TACC2: variants seen among roughly 807,000 people sequenced by gnomAD.
The protein encoded by TACC2 is transforming acidic coiled-coil containing protein 2, also known as transforming acidic coiled-coil-containing protein 2.
In TACC2, 137 loss-of-function variants were observed where a neutral mutation model predicts 227.3. The observed-to-expected ratio is 0.60, with a 90% CI of 0.52 to 0.69. The LOEUF (loss-of-function observed/expected upper bound fraction) is 0.69. Ranked by LOEUF, TACC2 falls within the 30% of genes least tolerant of loss-of-function variation. The pLI is 0.00. For missense variants in TACC2, 3,470 were observed against 3,694.4 expected (o/e 0.94, Z 1.57); for synonymous variants, 1,523 against 1,487.5 (o/e 1.02, Z -0.55).
chr10:121,999,655 G>A (rs570516309), intron 1 of TACC2, among the ~76,000 whole-genome samples: 5 of 152,316 alleles, frequency 3.3e-5, no homozygotes, highest in East Asian at 1.9e-4. Flanking sequence ...ATGCTTTGGC[G>A]CATTCCTTCT....
intron 2 of TACC2, among the ~76,000 whole-genome samples, chr10:122,025,448 A>G (rs1469021564): frequency 6.6e-6 from 1 of 151,784 alleles, no homozygotes; most frequent in African/African-American, 2.4e-5. Context: ...TTTTTAGTAG[A>G]GACGAGGTTT....
At chr10:122,047,066 A>G (rs1375632283) in intron 2 of TACC2, among the ~76,000 whole-genome samples, 1 of 151,986 alleles carries the variant, frequency 6.6e-6, no homozygotes, top group East Asian at 1.9e-4. Flanking sequence ...TGAGGCGGGC[A>G]GATCACAAGG....
chr10:122,245,349 G>T (rs981576225), intron 19 of TACC2, among the ~76,000 whole-genome samples: 1 of 152,144 alleles, frequency 6.6e-6, no homozygotes, highest in African/African-American at 2.4e-5. Context: ...CTGGGAACGG[G>T]GTAATTCTAT....
intron 9 of TACC2, among the ~76,000 whole-genome samples, chr10:122,214,482 TCACCCCCCAAAGC>T (rs1172840424): frequency 6.6e-6 from 1 of 152,042 alleles, no homozygotes; most frequent in Non-Finnish European, 1.5e-5. Flanking sequence ...AGGAGAGGGA[TCACCCCCCAAAGC>T]CTTTGCTTTG....
intron 3 of TACC2, among the ~76,000 whole-genome samples, chr10:122,068,592 T>G (rs1302845528): frequency 6.6e-6 from 1 of 151,988 alleles, no homozygotes; most frequent in African/African-American, 2.4e-5. Context: ...TTATGAGTGA[T>G]GAGGTACTCC....
chr10:122,235,691 C>A (rs2141576310), intron 16 of TACC2, among the ~76,000 whole-genome samples: 1 of 152,274 alleles, frequency 6.6e-6, no homozygotes, highest in Admixed American at 6.5e-5. Context: ...GAGATGAACC[C>A]CTGCATGTGA....
intron 4 of TACC2, among the ~76,000 whole-genome samples, chr10:122,088,174 G>A (rs2080297849): frequency 6.6e-6 from 1 of 152,178 alleles, no homozygotes; most frequent in Non-Finnish European, 1.5e-5. Context: ...TGTTGACTAT[G>A]TTCTTTTTCT....
intron 5 of TACC2, among the ~76,000 whole-genome samples, chr10:122,112,762 T>C (rs1377700171): frequency 6.6e-6 from 1 of 152,230 alleles, no homozygotes; most frequent in East Asian, 1.9e-4. Flanking sequence ...CAGAGACTCC[T>C]GGAAGTCTGC....
At chr10:122,094,662 C>G (rs1386026937) in intron 5 of TACC2, among the ~76,000 whole-genome samples, 14 of 152,192 alleles carry the variant, frequency 9.2e-5, no homozygotes, top group Non-Finnish European at 1.5e-5. Flanking sequence ...GCTGGATTCA[C>G]TGTCTTCAGG....
chr10:122,107,329 G>A (rs937256548), intron 5 of TACC2, among the ~76,000 whole-genome samples: 2 of 151,866 alleles, frequency 1.3e-5, no homozygotes, highest in South Asian at 2.1e-4. Flanking sequence ...GAGGTCACAC[G>A]TCTAATCCCA....
Position 122,041,478 on chromosome 10 carries a change from G to A in TACC2, c.34-8960G>A, listed in dbSNP as rs1235187193. 4.3e-5 allele frequency among the ~76,000 whole-genome samples: 6 copies of A among 139,796 alleles called. No homozygotes were observed. In the East Asian group the frequency reaches 6.2e-4, roughly 15 times the overall value. 91.7% of individuals were successfully genotyped at this position (139,796 alleles called of 152,430 possible). ...TTTTCTCGTAACGAGACAGAGTCCT[G>A]CTTTGTCACCCAGGCTGGAATGCAA... On this transcript the variant is annotated intron_variant, in intron 2 of 22. Coordinates refer to ENST00000369005, the MANE Select transcript of TACC2 (RefSeq NM_206862.4).
At chr10:122,164,708 TGG>T (rs995750125) in intron 7 of TACC2, among the ~76,000 whole-genome samples, 48 of 152,296 alleles carry the variant, frequency 3.2e-4, no homozygotes, top group African/African-American at 1.1e-3. Context: ...GTTTGGACGA[TGG>T]GGCGTATTGA....
chr10:122,035,782 C>G (rs1230413176), intron 2 of TACC2, among the ~76,000 whole-genome samples: 2 of 151,996 alleles, frequency 1.3e-5, no homozygotes, highest in Admixed American at 6.6e-5. Context: ...CCTTGATAAC[C>G]TTTTCTTTCC....
At chr10:122,189,838 A>G (rs1424676231) in intron 7 of TACC2, among the ~76,000 whole-genome samples, 1 of 152,194 alleles carries the variant, frequency 6.6e-6, no homozygotes, top group Non-Finnish European at 1.5e-5. Context: ...GTTCTATGGA[A>G]TTTCCAGCTC....
At chr10:122,177,039 C>G (rs560760402) in intron 7 of TACC2, among the ~76,000 whole-genome samples, 1 of 152,310 alleles carries the variant, frequency 6.6e-6, no homozygotes, top group Non-Finnish European at 1.5e-5. Context: ...GGAGCAGCCC[C>G]AGTCCTGATA....
At chr10:122,069,647 C>T (rs2077809134) in intron 3 of TACC2, among the ~76,000 whole-genome samples, 1 of 152,184 alleles carries the variant, frequency 6.6e-6, no homozygotes, top group African/African-American at 2.4e-5. Flanking sequence ...AATAATTCCT[C>T]ATATGACGTT....
chr10:122,238,392 T>A (rs181302266), intron 18 of TACC2, among the ~76,000 whole-genome samples: 10 of 152,338 alleles, frequency 6.6e-5, no homozygotes, highest in African/African-American at 9.6e-5. Context: ...CAGCCTCTTT[T>A]TTCTCCAAAA....
intron 19 of TACC2, chr10:122,247,723 G>A (rs1320297916): frequency 6.6e-6 from 1 of 152,230 alleles, no homozygotes; most frequent in Admixed American, 6.5e-5. Context: ...ACAAAGATGG[G>A]AACAGAAGAC....
intron 5 of TACC2, among the ~76,000 whole-genome samples, chr10:122,117,252 T>C (rs2084874530): frequency 6.7e-6 from 1 of 149,234 alleles, no homozygotes; most frequent in Non-Finnish European, 1.5e-5. Flanking sequence ...TGGAGTGCAG[T>C]GGCGTGATCT....
Sources: gnomAD v4.1 joint callset for allele counts (sites outside exome capture counted in the v4.1 genomes callset) on GRCh38, gnomAD v4.1.1 for gene constraint, MANE v1.5 for transcripts, NCBI Gene and HGNC (gene_info 2026-07-23, HGNC 2026-07-21) for gene names.